The following SLC13A4 variants were observed in gnomAD, a reference collection of about 807,000 sequenced individuals.
The protein encoded by SLC13A4 is Na(+)/sulfate cotransporter SUT-1.
SLC13A4 carries 28 observed loss-of-function variants against 72.7 expected under a neutral mutation model. That is an observed-to-expected ratio of 0.39 (90% CI 0.29 to 0.53). The LOEUF is 0.53. SLC13A4 is among the 20% of genes least tolerant of loss of function. SLC13A4 has a pLI of 0.78. For synonymous variants in SLC13A4, 312 were observed against 325.5 expected, an observed-to-expected ratio of 0.96 and a Z score of 0.45; for missense variants, 653 against 788.0, an observed-to-expected ratio of 0.83 and a Z score of 2.05.
Position 135,727,331 on chromosome 7 carries a change from T to C in SLC13A4, c.99+67A>G, listed in dbSNP as rs80209063. 4.0e-5 allele frequency: 61 copies of C among 1,526,228 alleles called. 1 individual carries two copies. The Admixed American group carries it at 6.6e-4, about 16-fold the overall frequency. The allele number at this position is 1,526,228 out of a possible 1,614,324, so 94.5% of individuals were successfully genotyped here. ...ACTGCCTGAGCGCCCCATGTTCCCC[T>C]ACCGACCTCCCCTCTTTGCCCTCCC... On this transcript the variant is annotated intron_variant, in intron 1 of 15. Coordinates refer to ENST00000682651, the MANE Select transcript of SLC13A4 (RefSeq NM_001318192.2).
At chr7:135,704,911 CAG>C (rs1444699305) in intron 5 of SLC13A4, 2 of 152,246 alleles carry the variant, frequency 1.3e-5, no homozygotes, top group East Asian at 3.8e-4. Flanking sequence ...GGGCAAATGA[CAG>C]AGCTGAGCTG....
chr7:135,706,100 A>C, intron 4 of SLC13A4, 28 bp downstream of exon 4: 1 of 1,549,514 alleles, frequency 6.5e-7, no homozygotes, highest in Non-Finnish European at 8.8e-7. Flanking sequence ...GGAGGAGCAA[A>C]GGAGAGATGA....
chr7:135,717,996 C>T (rs2129495301), intron 2 of SLC13A4, among the ~76,000 whole-genome samples: 1 of 152,146 alleles, frequency 6.6e-6, no homozygotes, highest in Admixed American at 6.5e-5. Context: ...CAGCAGCTCT[C>T]CTGGGTCTCC....
At chr7:135,694,265 T>A in intron 9 of SLC13A4, 27 bp from the exon 10 acceptor site, 1 of 1,374,182 alleles carries the variant, frequency 7.3e-7, no homozygotes, top group Non-Finnish European at 1.0e-6. Context: ...AGCAAATGAT[T>A]AAAGAAAACA....
chr7:135,699,706 C>CT (rs1207806616), intron 7 of SLC13A4, among the ~76,000 whole-genome samples, 158 bp from the exon 8 acceptor site: 1 of 152,170 alleles, frequency 6.6e-6, no homozygotes, highest in Admixed American at 6.5e-5. Flanking sequence ...GGGCATGCAT[C>CT]TGAGCTGCAG....
chr7:135,721,383 A>G lies in SLC13A4; in HGVS notation c.228+12T>C, dbSNP rs1284515848. ...GGACCCAGGCAGGGGGTGGGGCTAC[A>G]AGTAGTCTAACCTCATTGGACCGGA... On this transcript the variant is annotated intron_variant, in intron 2 of 15. Coordinates refer to ENST00000682651, the MANE Select transcript of SLC13A4 (RefSeq NM_001318192.2). 1 of 1,613,578 alleles carries G rather than the reference A, an allele frequency of 6.2e-7. No individual in the cohort carries two copies. Among genetic ancestry groups the G allele is most frequent in the Non-Finnish European group, 8.5e-7 (1 of 1,179,654 alleles).
In SLC13A4 at chr7:135,699,471, C is replaced by T. The variant is rs771673508; in HGVS notation, c.792G>A (p.Met264Ile). The T allele has an allele frequency of 6.2e-7, 1 of 1,613,176 alleles. No homozygotes were observed. The highest frequency in any genetic ancestry group is 1.7e-5 in the Admixed American group (1 of 59,848). Residue 264 changes from methionine (M) to isoleucine (I), a missense_variant, in exon 8 of 16, where the codon ATG (methionine) becomes ATA (isoleucine). By Grantham distance (10) the Met-to-Ile change is conservative. Transcript: ENST00000682651. ...TGCTCAGGGAGAGGCACTTGCAGATCATCTGGTCATGGTGGGACCTGTACT... is the reference window on the plus strand; with the variant it reads ...TGCTCAGGGAGAGGCACTTGCAGATTATCTGGTCATGGTGGGACCTGTACT... ...NRKYRSHHDQ[M>I]ICKCLSLSIS...
chr7:135,719,302 T>G (rs747726858), intron 2 of SLC13A4, among the ~76,000 whole-genome samples: 2 of 152,236 alleles, frequency 1.3e-5, no homozygotes, highest in Non-Finnish European at 2.9e-5. Context: ...ACAGAGACAC[T>G]GTCTGCTTGA....
Position 135,699,357 on chromosome 7 carries a change from CACTT to C in SLC13A4, c.899+3_899+6del, listed in dbSNP as rs1253822151. 1 of 1,605,704 alleles carries C rather than the reference CACTT, an allele frequency of 6.2e-7. No individual in the cohort carries two copies. The highest frequency in any genetic ancestry group is 8.5e-7 in the Non-Finnish European group (1 of 1,175,340). ...GTAAATATTTGTTGACCAAGTGAAT[CACTT>C]ACTTGTTGAAGTGTTCCAGGAAGAT... is the stretch of plus-strand genomic sequence containing the variant. On this transcript the variant is annotated splice_donor_5th_base_variant and intron_variant, in intron 8 of 15. Coordinates refer to ENST00000682651, the MANE Select transcript of SLC13A4 (RefSeq NM_001318192.2).
intron 2 of SLC13A4, among the ~76,000 whole-genome samples, chr7:135,716,775 C>T (rs893190522): frequency 1.3e-5 from 2 of 152,270 alleles, no homozygotes; most frequent in Middle Eastern, 3.4e-3. Context: ...ACTTCAGTTT[C>T]CTTCTCTTTA....
At position 135,685,632 on chromosome 7, in the gene SLC13A4, G is replaced by T; in HGVS notation, c.1498C>A (p.Leu500Ile). 6.2e-7 allele frequency: 1 copy of T among 1,614,218 alleles called. No homozygotes were observed. The highest frequency in any genetic ancestry group is 1.1e-5 in the South Asian group (1 of 91,084). The change falls in exon 14 of 16, where the codon CTC (leucine) becomes ATC (isoleucine). Residue 500 changes from leucine (L) to isoleucine (I), a missense_variant. By Grantham distance (5) the Leu-to-Ile change is conservative. Coordinates refer to ENST00000682651, the MANE Select transcript of SLC13A4 (RefSeq NM_001318192.2). Reference sequence around the variant, plus strand: ...AGCAGGGTGACAGCCCACGGTGGGAGGCTGCTCAGGGACAACATCTGGTTC... The same window carrying T: ...AGCAGGGTGACAGCCCACGGTGGGATGCTGCTCAGGGACAACATCTGGTTC... ...IGNQMLSLSS[L>I]PPWAVTLLAC...
intron 15 of SLC13A4, chr7:135,683,296 C>CA (rs61677714): frequency 0.022 from 3,726 of 169,100 alleles, 111 homozygotes; most frequent in African/African-American, 0.062. Context: ...GATTCTGTCT[C>CA]AAAAAAAAAA....
At chr7:135,682,197 G>C (rs1795519001) in intron 15 of SLC13A4, among the ~76,000 whole-genome samples, 1 of 152,188 alleles carries the variant, frequency 6.6e-6, no homozygotes, top group Admixed American at 6.5e-5. Flanking sequence ...AAACGGTTTA[G>C]CTGCCTCTGC....
intron 13 of SLC13A4, among the ~76,000 whole-genome samples, chr7:135,686,200 A>T (rs1239396930): frequency 6.6e-6 from 1 of 152,226 alleles, no homozygotes; most frequent in Non-Finnish European, 1.5e-5. Flanking sequence ...ATGAACAGGC[A>T]GGGCTGAGCA....
At chr7:135,724,122 G>A (rs759852720) in intron 1 of SLC13A4, among the ~76,000 whole-genome samples, 5 of 152,118 alleles carry the variant, frequency 3.3e-5, no homozygotes, top group Non-Finnish European at 7.3e-5. Flanking sequence ...TTTCTTCCTG[G>A]AACCCTTAGT....
chr7:135,710,831 A>G (rs1796284065), intron 2 of SLC13A4, among the ~76,000 whole-genome samples: 1 of 152,142 alleles, frequency 6.6e-6, no homozygotes, highest in African/African-American at 2.4e-5. Context: ...CTGGGGGGAA[A>G]AGCCCCTGCT....
Position 135,721,303 on chromosome 7 carries a change from T to A in SLC13A4, c.228+92A>T. On this transcript the variant is annotated intron_variant, in intron 2 of 15. Coordinates refer to ENST00000682651, the MANE Select transcript of SLC13A4 (RefSeq NM_001318192.2). ...AGTGGGTGACAAGGCCCCCTCATCG[T>A]CAAGTGCTGGGTGAATCTCCCTTCA... The A allele has an allele frequency of 2.7e-6, 4 of 1,494,176 alleles. 1 individual carries two copies. Among genetic ancestry groups the A allele is most frequent in the South Asian group, 2.4e-5 (2 of 81,810 alleles). The allele number at this position is 1,494,176 out of a possible 1,614,324, so 92.6% of individuals were successfully genotyped here. A position where few individuals can be genotyped will look rare whatever the true frequency, so the allele number is the denominator to read the frequency against.
At chr7:135,705,075 A>T (rs754813383) in intron 5 of SLC13A4, 1 of 153,012 alleles carries the variant, frequency 6.5e-6, no homozygotes, top group African/African-American at 2.4e-5. Context: ...TCTGCTTCCC[A>T]TCATCACAAG....
intron 13 of SLC13A4, among the ~76,000 whole-genome samples, chr7:135,688,552 C>T (rs542432542): frequency 2.6e-5 from 4 of 152,270 alleles, no homozygotes; most frequent in East Asian, 1.9e-4. Flanking sequence ...TCACCATGCC[C>T]GGCCTAGTAA....
Sources: gnomAD v4.1 joint callset for allele counts (sites outside exome capture counted in the v4.1 genomes callset) on GRCh38, gnomAD v4.1.1 for gene constraint, MANE v1.5 for transcripts, NCBI Gene and HGNC (gene_info 2026-07-23, HGNC 2026-07-21) for gene names.